RIPOR2: variants seen among roughly 807,000 people sequenced by gnomAD.
RIPOR2 encodes RHO family interacting cell polarization regulator 2.
In RIPOR2, 39 loss-of-function variants were observed where a neutral mutation model predicts 114.5. The ratio of observed to expected loss-of-function variants is 0.34; its 90% CI spans 0.26 to 0.44. The LOEUF (loss-of-function observed/expected upper bound fraction) is 0.44. RIPOR2 is among the 20% of genes least tolerant of loss of function. The pLI, the probability that RIPOR2 is intolerant of heterozygous loss-of-function variation, is 1.00. For synonymous variants in RIPOR2, 445 were observed against 484.4 expected (o/e 0.92, Z 1.07); for missense variants, 1,007 against 1,255.1 (o/e 0.80, Z 2.99).
intron 7 of RIPOR2, among the ~76,000 whole-genome samples, chr6:24,864,851 C>G (rs896323301): frequency 1.4e-4 from 21 of 152,182 alleles, no homozygotes; most frequent in African/African-American, 5.1e-4. Context: ...ACCATAGGGT[C>G]TGCTCCACTT....
intron 1 of RIPOR2, among the ~76,000 whole-genome samples, chr6:24,901,561 G>T (rs1380632864): frequency 6.6e-6 from 1 of 152,196 alleles, no homozygotes; most frequent in Non-Finnish European, 1.5e-5. Context: ...ATGGGAGCCT[G>T]AAAAGGGAGC....
intron 1 of RIPOR2, among the ~76,000 whole-genome samples, chr6:24,975,528 G>A (rs1194185256): frequency 2.6e-5 from 4 of 152,118 alleles, no homozygotes; most frequent in African/African-American, 4.8e-5. Context: ...TAATAATAAT[G>A]TATTGTTAGC....
At chr6:24,867,617 C>T (rs1158654738) in intron 6 of RIPOR2, among the ~76,000 whole-genome samples, 1 of 152,162 alleles carries the variant, frequency 6.6e-6, no homozygotes, top group South Asian at 2.1e-4. Flanking sequence ...ACAGGACCAT[C>T]GGTATAGCCA....
At chr6:24,806,944 T>A (rs577647420) in intron 21 of RIPOR2, among the ~76,000 whole-genome samples, 1 of 152,246 alleles carries the variant, frequency 6.6e-6, no homozygotes, top group Non-Finnish European at 1.5e-5. Context: ...CTTTTTACTA[T>A]GTAAACATAC....
intron 1 of RIPOR2, among the ~76,000 whole-genome samples, chr6:25,008,356 G>T (rs1775642940): frequency 1.3e-5 from 2 of 152,232 alleles, no homozygotes; most frequent in African/African-American, 4.8e-5. Context: ...CCTGGATCAT[G>T]CAGGAGGGCC....
At chr6:24,907,563 G>A (rs989351709) in intron 1 of RIPOR2, among the ~76,000 whole-genome samples, 4 of 152,216 alleles carry the variant, frequency 2.6e-5, no homozygotes, top group Admixed American at 2.0e-4. Context: ...CATGAACCCA[G>A]AGAAGAAGTT....
At chr6:24,835,253 T>C (rs1039834614) in intron 15 of RIPOR2, among the ~76,000 whole-genome samples, 2 of 152,254 alleles carry the variant, frequency 1.3e-5, no homozygotes. Context: ...AAGAATTACT[T>C]ATTCAAGGTC....
intron 19 of RIPOR2, among the ~76,000 whole-genome samples, chr6:24,823,438 C>A (rs1208269566): frequency 6.6e-6 from 1 of 152,124 alleles, no homozygotes; most frequent in African/African-American, 2.4e-5. Flanking sequence ...CTAAGTGATG[C>A]TGCACGGTGC....
Position 24,806,542 on chromosome 6 carries a change from A to T in RIPOR2, c.3044-69T>A, listed in dbSNP as rs941239848. Reference sequence around the variant, plus strand: ...TTTTATTAATTACTCAAAGTAACATAGTGCCATTTGTTTAGGGATGGGTTG... The same window carrying T: ...TTTTATTAATTACTCAAAGTAACATTGTGCCATTTGTTTAGGGATGGGTTG... On this transcript the variant is annotated intron_variant, in intron 21 of 21. Transcript: ENST00000643898. 3.3e-6 allele frequency: 4 copies of T among 1,202,270 alleles called. No homozygotes were observed. The African/African-American group carries it at 6.2e-5, about 19-fold the overall frequency. The allele number at this position is 1,202,270 out of a possible 1,614,324, so 74.5% of individuals were successfully genotyped here.
intron 1 of RIPOR2, among the ~76,000 whole-genome samples, chr6:24,986,426 A>G (rs57148456): frequency 1.3e-5 from 2 of 152,214 alleles, no homozygotes; most frequent in African/African-American, 2.4e-5. Context: ...AAAACTTTTT[A>G]AAAAGGCAAT....
intron 1 of RIPOR2, among the ~76,000 whole-genome samples, chr6:24,927,017 C>T (rs1488414135): frequency 6.3e-4 from 1 of 1,584 alleles, no homozygotes; most frequent in Non-Finnish European, 9.3e-4. Flanking sequence ...CCATCACCAC[C>T]ACCACCATGA....
intron 1 of RIPOR2, among the ~76,000 whole-genome samples, chr6:24,988,298 G>T (rs1414913828): frequency 6.6e-6 from 1 of 152,030 alleles, no homozygotes; most frequent in African/African-American, 2.4e-5. Flanking sequence ...TGATTCTCTT[G>T]CCTCAGCCTC....
chr6:24,837,564 C>A (rs1761227061), intron 14 of RIPOR2, among the ~76,000 whole-genome samples: 1 of 152,170 alleles, frequency 6.6e-6, no homozygotes, highest in Non-Finnish European at 1.5e-5. Flanking sequence ...TGTGCACCAC[C>A]ACACCCAACT....
chr6:24,820,356 A>C (rs1190587268), intron 19 of RIPOR2, among the ~76,000 whole-genome samples: 2 of 152,220 alleles, frequency 1.3e-5, no homozygotes, highest in African/African-American at 4.8e-5. Context: ...TTATAGGACA[A>C]TTCCATTTAA....
At chr6:24,809,586 C>CT in intron 21 of RIPOR2, 131 bp downstream of exon 21, 1 of 661,288 alleles carries the variant, frequency 1.5e-6, no homozygotes, top group African/African-American at 1.8e-5. Flanking sequence ...AGAAGACAGC[C>CT]TACAGCGGGG....
At chr6:25,018,485 T>C (rs1561846233) in intron 1 of RIPOR2, among the ~76,000 whole-genome samples, 1 of 152,200 alleles carries the variant, frequency 6.6e-6, no homozygotes, top group Non-Finnish European at 1.5e-5. Flanking sequence ...CAGATGTTTT[T>C]TCTATATAGA....
At chr6:24,884,293 C>A (rs1766610625) in intron 1 of RIPOR2, among the ~76,000 whole-genome samples, 1 of 152,022 alleles carries the variant, frequency 6.6e-6, no homozygotes, top group South Asian at 2.1e-4. Context: ...CCTGTAGTCC[C>A]AGCTACTCGG....
intron 1 of RIPOR2, among the ~76,000 whole-genome samples, chr6:24,953,162 C>T (rs976731579): frequency 6.6e-6 from 1 of 152,138 alleles, no homozygotes; most frequent in Non-Finnish European, 1.5e-5. Context: ...GGAGAAACCC[C>T]GTCTCTACTA....
intron 1 of RIPOR2, among the ~76,000 whole-genome samples, chr6:24,933,457 C>T (rs1269445920): frequency 3.3e-5 from 5 of 152,220 alleles, no homozygotes; most frequent in Non-Finnish European, 5.9e-5. Flanking sequence ...CCACACAGAG[C>T]TTGCTTAAAA....
Sources: gnomAD v4.1 joint callset for allele counts (sites outside exome capture counted in the v4.1 genomes callset) on GRCh38, gnomAD v4.1.1 for gene constraint, MANE v1.5 for transcripts, NCBI Gene and HGNC (gene_info 2026-07-23, HGNC 2026-07-21) for gene names.